The following CADPS2 variants were observed in gnomAD, a reference collection of about 807,000 sequenced individuals.
The protein encoded by CADPS2 is calcium dependent secretion activator 2.
CADPS2 carries 93 observed loss-of-function variants against 172.5 expected under a neutral mutation model. The observed-to-expected ratio is 0.54, with a 90% confidence interval of 0.46 to 0.64. The LOEUF (loss-of-function observed/expected upper bound fraction) is 0.64. CADPS2 is among the 30% of genes least tolerant of loss of function. CADPS2 has a pLI of 0.00. For missense variants in CADPS2, 1,420 were observed against 1,565.9 expected (o/e 0.91, Z 1.57); for synonymous variants, 546 against 555.2 (o/e 0.98, Z 0.23).
intron 1 of CADPS2, among the ~76,000 whole-genome samples, chr7:122,784,464 G>A (rs573551508): frequency 4.3e-4 from 66 of 152,222 alleles, no homozygotes; most frequent in African/African-American, 1.4e-3. Flanking sequence ...TCTCTATTCT[G>A]GTTCATTTAC....
At chr7:122,759,010 A>G (rs1044890594) in intron 1 of CADPS2, among the ~76,000 whole-genome samples, 8 of 151,856 alleles carry the variant, frequency 5.3e-5, no homozygotes, top group Admixed American at 5.3e-4. Context: ...GGAAAAAAAA[A>G]AAAATTAAAG....
chr7:122,732,343 T>C (rs573402008), intron 2 of CADPS2, among the ~76,000 whole-genome samples: 41 of 151,480 alleles, frequency 2.7e-4, no homozygotes, highest in Middle Eastern at 6.8e-3. Context: ...AACTTTTTTT[T>C]TTTGAGATGG....
intron 1 of CADPS2, among the ~76,000 whole-genome samples, chr7:122,767,224 C>T (rs1290813918): frequency 1.3e-5 from 2 of 152,224 alleles, no homozygotes; most frequent in South Asian, 2.1e-4. Flanking sequence ...CAGGATCCTT[C>T]CTGGGTTTTA....
chr7:122,324,548 TC>T (rs1297066246), intron 29 of CADPS2, among the ~76,000 whole-genome samples: 1 of 152,088 alleles, frequency 6.6e-6, no homozygotes, highest in Non-Finnish European at 1.5e-5. Context: ...TCTAACAAGT[TC>T]CCAGGTGATG....
intron 2 of CADPS2, among the ~76,000 whole-genome samples, chr7:122,716,468 G>C (rs992443536): frequency 6.6e-6 from 1 of 152,030 alleles, no homozygotes; most frequent in South Asian, 2.1e-4. Flanking sequence ...AGGGGTAAGG[G>C]AGCTCCCAGT....
At chr7:122,709,207 T>TA (rs2088206194) in intron 2 of CADPS2, among the ~76,000 whole-genome samples, 1 of 152,072 alleles carries the variant, frequency 6.6e-6, no homozygotes, top group African/African-American at 2.4e-5. Flanking sequence ...AAGATTGTCC[T>TA]AAAGCTTAAA....
At chr7:122,688,045 G>A (rs2083858937) in intron 2 of CADPS2, among the ~76,000 whole-genome samples, 1 of 152,120 alleles carries the variant, frequency 6.6e-6, no homozygotes, top group Non-Finnish European at 1.5e-5. Context: ...TCACCTCATT[G>A]TCATTTTCCA....
rs754349503 is a variant in CADPS2, at chr7:122,698,350, T to C, written c.454-34781A>G. On this transcript the variant is annotated intron_variant, in intron 2 of 29. Coordinates refer to ENST00000449022, the MANE Select transcript of CADPS2 (RefSeq NM_017954.11). ...TGTGACAATCACAAAAGAGACCAAA[T>C]AGTGATTCATCCAGATGATGTGCTT... 1.5e-5 allele frequency: 24 copies of C among 1,613,578 alleles called. No individual in the cohort carries two copies. Among genetic ancestry groups the C allele is most frequent in the Middle Eastern group, 1.6e-4 (1 of 6,082 alleles).
At position 122,387,172 on chromosome 7, in the gene CADPS2, T is replaced by A; in HGVS notation, c.3166A>T (p.Thr1056Ser). 6.3e-7 allele frequency: 1 copy of A among 1,574,918 alleles called. No individual in the cohort carries two copies. The highest frequency in any genetic ancestry group is 8.6e-7 in the Non-Finnish European group (1 of 1,157,986). The part of the protein sequence containing the change: ...SDMLEACVKR[T>S]RTAFELKLQK... Reference sequence around the variant, plus strand: ...AGCTTGAGTTCAAATGCAGTTCTTGTTCTAGTTTTTAAAACATGAATTCAG... The same window carrying A: ...AGCTTGAGTTCAAATGCAGTTCTTGATCTAGTTTTTAAAACATGAATTCAG... The change falls in exon 24 of 30, where the codon ACA becomes TCA. Residue 1056 changes from threonine (T) to serine (S), a missense_variant and splice_region_variant. Coordinates refer to ENST00000449022, the MANE Select transcript of CADPS2 (RefSeq NM_017954.11).
At chr7:122,711,023 A>G (rs573084979) in intron 2 of CADPS2, among the ~76,000 whole-genome samples, 7 of 152,104 alleles carry the variant, frequency 4.6e-5, no homozygotes, top group Admixed American at 6.6e-5. Flanking sequence ...TTTATAATCT[A>G]TGCTTTATAC....
chr7:122,688,417 G>A (rs1037906762), intron 2 of CADPS2, among the ~76,000 whole-genome samples: 1 of 152,206 alleles, frequency 6.6e-6, no homozygotes, highest in Non-Finnish European at 1.5e-5. Flanking sequence ...TAGGTTCAGG[G>A]TCAGGTTCCA....
At chr7:122,872,688 T>C (rs1820087845) in intron 1 of CADPS2, among the ~76,000 whole-genome samples, 1 of 152,120 alleles carries the variant, frequency 6.6e-6, no homozygotes, top group Admixed American at 6.6e-5. Flanking sequence ...AAGGCTCTCA[T>C]CTCTTTAAAT....
chr7:122,705,481 ATAT>A (rs2086860986), intron 2 of CADPS2, among the ~76,000 whole-genome samples: 1 of 128,228 alleles, frequency 7.8e-6, no homozygotes, highest in South Asian at 2.3e-4. Context: ...ATATATATTT[ATAT>A]TATATATTAT....
At chr7:122,432,643 TA>T (rs57311950) in intron 17 of CADPS2, among the ~76,000 whole-genome samples, 4,004 of 108,638 alleles carry the variant, frequency 0.037, 109 homozygotes, top group African/African-American at 0.09. Flanking sequence ...TCTGTTAAAA[TA>T]AAAAAAAAAA....
chr7:122,879,602 C>G (rs559967429), intron 1 of CADPS2, among the ~76,000 whole-genome samples: 84 of 151,938 alleles, frequency 5.5e-4, no homozygotes, highest in Non-Finnish European at 1.5e-5. Flanking sequence ...CACTAGCTTA[C>G]AAATACTCAT....
At chr7:122,677,630 T>A (rs1168702622) in intron 2 of CADPS2, among the ~76,000 whole-genome samples, 1 of 152,174 alleles carries the variant, frequency 6.6e-6, no homozygotes, top group East Asian at 1.9e-4. Flanking sequence ...TGCTAGTATT[T>A]ATCTTAAAGG....
chr7:122,454,759 G>A (rs1586207817), intron 14 of CADPS2, among the ~76,000 whole-genome samples: 3 of 152,036 alleles, frequency 2.0e-5, no homozygotes, highest in Admixed American at 6.6e-5. Context: ...CAGAGTATTC[G>A]AGATTTAAAA....
chr7:122,443,710 CAAA>C (rs56137420), intron 15 of CADPS2, among the ~76,000 whole-genome samples: 1,591 of 57,794 alleles, frequency 0.028, 26 homozygotes, highest in African/African-American at 0.099. Context: ...CTGCTTTCTA[CAAA>C]AAAAAAAAAA....
intron 2 of CADPS2, chr7:122,699,155 T>A (rs1338431988): frequency 2.9e-5 from 13 of 455,734 alleles, no homozygotes; most frequent in Non-Finnish European, 4.0e-6. Flanking sequence ...TAGATACTGC[T>A]TACTATTGTG....
Sources: allele counts gnomAD v4.1 joint callset (sites outside exome capture counted in the v4.1 genomes callset), GRCh38; gene constraint gnomAD v4.1.1; transcripts MANE v1.5; gene names NCBI Gene and HGNC (gene_info 2026-07-23, HGNC 2026-07-21).